The following CELF4 variants were observed in gnomAD, a reference collection of about 807,000 sequenced individuals.
CELF4 encodes the protein CUGBP Elav-like family member 4, also known as CUG-BP- and ETR-3-like factor 4.
In CELF4, 18 loss-of-function variants were observed where a neutral mutation model predicts 59.9. That is an observed-to-expected ratio of 0.30 (90% CI 0.21 to 0.45). The LOEUF is 0.45. Among genes scored for constraint, CELF4 ranks in the 20% least tolerant of loss-of-function variants. The probability of loss-of-function intolerance (pLI) is 1.00; values close to 1 mark genes in which losing one functional copy is unlikely to be tolerated. For missense variants in CELF4, 456 were observed against 689.0 expected, an observed-to-expected ratio of 0.66 and a Z score of 3.79; for synonymous variants, 261 against 267.1, an observed-to-expected ratio of 0.98 and a Z score of 0.22.
intron 8 of CELF4, among the ~76,000 whole-genome samples, chr18:37,269,219 C>T (rs763482672): frequency 1.8e-4 from 28 of 152,088 alleles, no homozygotes; most frequent in Non-Finnish European, 2.9e-4. Flanking sequence ...AAACAACACT[C>T]CAGATCATTA....
rs762693626 is a variant in CELF4, at chr18:37,259,206, C to G, written c.1308G>C (p.Glu436Asp). Residue 436 changes from glutamate to aspartate, a missense_variant, in exon 11 of 13, where the codon GAG (glutamate) becomes GAC (aspartate). Coordinates refer to ENST00000420428, the MANE Select transcript of CELF4 (RefSeq NM_020180.4). ...YHLPQEFGDA[E>D]LMQMFLPFGF... ...CGAAAGGGAGGAACATCTGCATCAG[C>G]TCAGCGTCCCCAAACTCCTGGGGCA... 1 of 1,612,462 alleles carries G rather than the reference C, an allele frequency of 6.2e-7. No individual in the cohort carries two copies.
chr18:37,456,906 T>C (rs1477217030), intron 2 of CELF4, among the ~76,000 whole-genome samples: 1 of 152,184 alleles, frequency 6.6e-6, no homozygotes, highest in Non-Finnish European at 1.5e-5. Context: ...CCTGCATGTT[T>C]AGAGATTCAG....
intron 2 of CELF4, among the ~76,000 whole-genome samples, chr18:37,377,881 G>C (rs1451310373): frequency 6.6e-6 from 1 of 152,170 alleles, no homozygotes; most frequent in Non-Finnish European, 1.5e-5. Context: ...AAGATAGGCA[G>C]TGCTCTCAGA....
chr18:37,350,838 G>T (rs2098423336), intron 2 of CELF4, among the ~76,000 whole-genome samples: 1 of 152,162 alleles, frequency 6.6e-6, no homozygotes, highest in Non-Finnish European at 1.5e-5. Context: ...GGTGCATCTG[G>T]CCTGAAGTCC....
At chr18:37,531,082 C>G (rs1447717006) in intron 1 of CELF4, among the ~76,000 whole-genome samples, 1 of 152,006 alleles carries the variant, frequency 6.6e-6, no homozygotes, top group Non-Finnish European at 1.5e-5. Context: ...GGGGTGAGGT[C>G]ACAGGCTTGT....
intron 2 of CELF4, among the ~76,000 whole-genome samples, chr18:37,335,756 ACT>A (rs1277160522): frequency 3.3e-5 from 5 of 151,416 alleles, no homozygotes; most frequent in Non-Finnish European, 7.4e-5. Flanking sequence ...CCCCTTAGAG[ACT>A]CTGCCTGTGG....
intron 2 of CELF4, among the ~76,000 whole-genome samples, chr18:37,404,617 C>A (rs1603636997): frequency 6.6e-6 from 1 of 152,304 alleles, no homozygotes; most frequent in East Asian, 1.9e-4. Flanking sequence ...CCTGGCTCGA[C>A]CTGCTCCAGC....
intron 2 of CELF4, among the ~76,000 whole-genome samples, chr18:37,467,157 T>A (rs896002189): frequency 2.6e-5 from 4 of 152,182 alleles, no homozygotes; most frequent in African/African-American, 9.6e-5. Context: ...AAAGCTACTC[T>A]GGTTAAAACA....
intron 6 of CELF4, 135 bp downstream of exon 6, chr18:37,274,176 G>T: frequency 1.3e-6 from 2 of 1,496,944 alleles, no homozygotes; most frequent in South Asian, 2.7e-5. Flanking sequence ...AGGTTCATGG[G>T]TTCATTCCCG....
At chr18:37,501,266 C>A (rs77412862) in intron 1 of CELF4, among the ~76,000 whole-genome samples, 78 of 152,360 alleles carry the variant, frequency 5.1e-4, no homozygotes, top group African/African-American at 1.8e-3. Context: ...TCTATAAAAT[C>A]TCTGCTTAAG....
At chr18:37,305,891 C>T (rs557421823) in intron 3 of CELF4, 1 of 152,360 alleles carries the variant, frequency 6.6e-6, no homozygotes, top group South Asian at 2.1e-4. Flanking sequence ...TCCCTCTCTT[C>T]TAATTGTTTC....
chr18:37,257,693 G>A (rs1394564807), intron 11 of CELF4, among the ~76,000 whole-genome samples: 1 of 152,098 alleles, frequency 6.6e-6, no homozygotes, highest in Non-Finnish European at 1.5e-5. Flanking sequence ...CTGTGACCTG[G>A]GTTCCTTGCA....
At chr18:37,504,453 C>CAAA (rs765700471) in intron 1 of CELF4, among the ~76,000 whole-genome samples, 1 of 71,156 alleles carries the variant, frequency 1.4e-5, no homozygotes, top group Non-Finnish European at 3.1e-5. Context: ...GACTCCATCT[C>CAAA]AAAAAAAAAA....
chr18:37,491,279 C>T (rs948530), intron 1 of CELF4, among the ~76,000 whole-genome samples: 39,494 of 150,800 alleles, frequency 0.26, 5,660 homozygotes, highest in Non-Finnish European at 0.31. Context: ...GAGAGGGACG[C>T]CGTGCCCACC....
Position 37,264,687 on chromosome 18 carries a change from C to G in CELF4, c.1236G>C (p.Gln412His). The change falls in exon 10 of 13, where the codon CAG becomes CAC. Residue 412 changes from glutamine (Q) to histidine (H), a missense_variant. Physicochemically the swap from Gln to His is conservative, Grantham distance 24. This residue lies in a region of CELF4 where 256 missense variants were observed against 340.8 expected (regional missense o/e 0.75). Transcript: ENST00000420428. ...CTGCAGACTCACCTTCTCTCTGCTG[C>G]TGGGGGATCATTGGAGGCGGCTGAG... Reference protein sequence around the residue: ...AFPQPPPMIPQQQREGPEGCN... With the variant: ...AFPQPPPMIPHQQREGPEGCN... 1 of 1,576,932 alleles carries G rather than the reference C, an allele frequency of 6.3e-7. No homozygotes were observed. Among genetic ancestry groups the G allele is most frequent in the Non-Finnish European group, 8.6e-7 (1 of 1,160,448 alleles).
At chr18:37,514,614 A>G (rs184378927) in intron 1 of CELF4, among the ~76,000 whole-genome samples, 62 of 152,314 alleles carry the variant, frequency 4.1e-4, no homozygotes, top group Non-Finnish European at 5.3e-4. Flanking sequence ...CCCAAGCCCA[A>G]GGAGGCCTGG....
At chr18:37,305,876 ATC>A (rs766963243) in intron 3 of CELF4, 6 of 152,198 alleles carry the variant, frequency 3.9e-5, no homozygotes, top group Non-Finnish European at 8.8e-5. Flanking sequence ...TTGATTCTAC[ATC>A]TGTCCCTCTC....
intron 2 of CELF4, among the ~76,000 whole-genome samples, chr18:37,463,307 G>T (rs989870603): frequency 4.6e-5 from 7 of 152,262 alleles, no homozygotes; most frequent in African/African-American, 1.7e-4. Flanking sequence ...GCTGCAGCAG[G>T]TCAGAGAACC....
At chr18:37,497,204 C>T (rs1051375512) in intron 1 of CELF4, among the ~76,000 whole-genome samples, 1 of 152,180 alleles carries the variant, frequency 6.6e-6, no homozygotes, top group African/African-American at 2.4e-5. Flanking sequence ...AACTTATCAG[C>T]TGACTGGTAC....
Sources: allele counts gnomAD v4.1 joint callset (sites outside exome capture counted in the v4.1 genomes callset), GRCh38; gene constraint gnomAD v4.1.1; regional missense constraint gnomAD v4.1.1; transcripts MANE v1.5; gene names NCBI Gene and HGNC (gene_info 2026-07-23, HGNC 2026-07-21).